IL16: variants seen among roughly 807,000 people sequenced by gnomAD.
The protein encoded by IL16 is pro-interleukin-16.
Under a neutral mutation model 110.1 loss-of-function variants are expected in IL16, and 67 were observed. That is an observed-to-expected ratio of 0.61 (90% CI 0.50 to 0.75). The LOEUF (loss-of-function observed/expected upper bound fraction) is 0.75. Ranked by LOEUF, IL16 falls within the 30% of genes least tolerant of loss-of-function variation. The probability of loss-of-function intolerance (pLI) is 0.00; values close to 1 mark genes in which losing one functional copy is unlikely to be tolerated. For missense variants in IL16, 1,545 were observed against 1,655.0 expected (o/e 0.93, Z 1.15); for synonymous variants, 689 against 662.9 (o/e 1.04, Z -0.61).
chr15:81,286,282 T>A (rs1405041026), intron 10 of IL16, among the ~76,000 whole-genome samples: 1 of 152,198 alleles, frequency 6.6e-6, no homozygotes, highest in Non-Finnish European at 1.5e-5. Context: ...TGGTAAGTCC[T>A]ATGAGAATAC....
chr15:81,217,512 ATTT>A (rs1266315481), intron 1 of IL16, among the ~76,000 whole-genome samples: 2 of 152,314 alleles, frequency 1.3e-5, no homozygotes, highest in East Asian at 3.9e-4. Flanking sequence ...CTATTAAACT[ATTT>A]CAGAAAGTAA....
rs1286252938 is a variant in IL16, at chr15:81,182,970, T to C, written c.40+74T>C. 5.3e-6 allele frequency: 5 copies of C among 941,422 alleles called. No individual in the cohort carries two copies. The East Asian group carries it at 3.1e-4, about 58-fold the overall frequency. The allele number at this position is 941,422 out of a possible 1,614,324, so 58.3% of individuals were successfully genotyped here. Reference sequence around the variant, plus strand: ...ATGGAGGGGTGGACCCTTCCTGACATCCTCCCAGGGGAATGGAAGCATGGT... The same window carrying C: ...ATGGAGGGGTGGACCCTTCCTGACACCCTCCCAGGGGAATGGAAGCATGGT... On this transcript the variant is annotated intron_variant, in intron 1 of 18. Coordinates refer to the IL16 transcript ENST00000302987.
intron 1 of IL16, among the ~76,000 whole-genome samples, chr15:81,218,591 T>C (rs1377090865): frequency 6.6e-6 from 1 of 152,168 alleles, no homozygotes. Context: ...GTGATTGTTG[T>C]AAAAAGAAAT....
In IL16 at chr15:81,271,088, C is replaced by T. The variant is rs867740480; in HGVS notation, c.675+1440C>T. On this transcript the variant is annotated intron_variant, in intron 5 of 18. Coordinates refer to ENST00000683961, the MANE Select transcript of IL16 (RefSeq NM_172217.5). ...GGCATTGTGCTATGGGCTTTGCAAC[C>T]ATAACTCCTTTAATCCCCACAACAA... 1.4e-4 allele frequency among the ~76,000 whole-genome samples: 22 copies of T among 152,162 alleles called. No individual in the cohort carries two copies. In the Middle Eastern group the frequency reaches 0.014, roughly 94 times the overall value.
intron 6 of IL16, among the ~76,000 whole-genome samples, chr15:81,277,029 T>TAA (rs35578784): frequency 2.1e-3 from 307 of 144,442 alleles, no homozygotes; most frequent in African/African-American, 7.0e-3. Flanking sequence ...CCGGAAACAG[T>TAA]AAAAAAAAAA....
rs1471104857 is a variant in IL16 at position 81,303,168 on chromosome 15, C to T, written c.3319-381C>T. On this transcript the variant is annotated intron_variant, in intron 15 of 18. Transcript: ENST00000683961. The surrounding 1 kb of genome is among the most constrained non-coding windows in gnomAD (Gnocchi z 4.1). The stretch of plus-strand genomic sequence containing the variant: ...AATTCCTGCAGAACAGCACTGACCC[C>T]TGTTTTGTTTTTTGTTGTTTTTTTT... The T allele has an allele frequency of 5.6e-6, 1 of 177,512 alleles. No individual in the cohort carries two copies. The highest frequency in any genetic ancestry group is 1.2e-5 in the Non-Finnish European group (1 of 86,174). The allele number at this position is 177,512 out of a possible 1,614,324, so 11.0% of individuals were successfully genotyped here.
intron 6 of IL16, among the ~76,000 whole-genome samples, chr15:81,277,044 G>C (rs1898944337): frequency 6.6e-6 from 1 of 150,942 alleles, no homozygotes; most frequent in Admixed American, 6.6e-5. Context: ...AAAAAAATAA[G>C]TGGAAGTGAA....
intron 13 of IL16, 180 bp from the exon 14 acceptor site, chr15:81,299,200 C>G (rs1014116607): frequency 3.2e-6 from 3 of 938,054 alleles, no homozygotes; most frequent in Non-Finnish European, 5.2e-6. Context: ...TCCTTCACTC[C>G]TGCCTGTTGG....
At position 81,292,609 on chromosome 15, in the gene IL16, C is replaced by G; in HGVS notation, c.1474C>G (p.Arg492Gly). 3 of 1,606,974 alleles carry G rather than the reference C, an allele frequency of 1.9e-6. No individual in the cohort carries two copies. Among genetic ancestry groups the G allele is most frequent in the Non-Finnish European group, 2.6e-6 (3 of 1,174,234 alleles). ...WHGRPTLEKE[R>G]EKNSAPPHRR... ...CGGGCGGCCCACCTTGGAGAAGGAACGAGAGAAGAACTCAGCACCCCCGCA... is the reference window on the plus strand; with the variant it reads ...CGGGCGGCCCACCTTGGAGAAGGAAGGAGAGAAGAACTCAGCACCCCCGCA... Residue 492 changes from arginine (R) to glycine (G), a missense_variant, in exon 12 of 19, where the codon CGA becomes GGA. Arg to Gly is a moderately radical substitution (Grantham distance 125). Around this residue, in one of 3 missense-constraint regions of IL16, gnomAD observed 1,185 missense variants for 1,238.8 expected, o/e 0.96. Coordinates refer to ENST00000683961, the MANE Select transcript of IL16 (RefSeq NM_172217.5).
chr15:81,239,400 CT>C (rs1473267298), intron 2 of IL16, among the ~76,000 whole-genome samples: 1 of 152,190 alleles, frequency 6.6e-6, no homozygotes, highest in Non-Finnish European at 1.5e-5. Context: ...TGCTCAATCC[CT>C]GCAGTTCTGT....
chr15:81,240,640 T>G (rs1207054438), intron 2 of IL16, among the ~76,000 whole-genome samples: 1 of 152,168 alleles, frequency 6.6e-6, no homozygotes, highest in Non-Finnish European at 1.5e-5. Flanking sequence ...TTTTTCATAT[T>G]TTATAGAAAC....
At chr15:81,182,908 T>A in intron 1 of IL16, 1 of 1,286,920 alleles carries the variant, frequency 7.8e-7, no homozygotes, top group Non-Finnish European at 1.0e-6. Context: ...TGAGTGGAGC[T>A]CCTTCTCCTA....
rs933185126 is a variant in IL16, at chr15:81,297,621, C to T, written c.2053+543C>T. ...GCATAGGACTTGAAGTCAGGGAATC[C>T]TGGATCTGTCTGTCATTAGTATGAT... On this transcript the variant is annotated intron_variant, in intron 13 of 18. Transcript: ENST00000683961. 3.9e-5 allele frequency among the ~76,000 whole-genome samples: 6 copies of T among 152,262 alleles called. No individual in the cohort carries two copies. In the South Asian group the frequency reaches 1.2e-3, roughly 32 times the overall value.
chr15:81,288,779 G>A (rs573645336), intron 10 of IL16, among the ~76,000 whole-genome samples: 6 of 152,072 alleles, frequency 3.9e-5, no homozygotes, highest in South Asian at 2.1e-4. Context: ...GTTGTAGCAC[G>A]GGCCAGAATT....
intron 2 of IL16, among the ~76,000 whole-genome samples, chr15:81,241,276 T>C (rs893989590): frequency 1.2e-4 from 18 of 152,106 alleles, no homozygotes; most frequent in Non-Finnish European, 1.9e-4. Flanking sequence ...ACTTATTTAT[T>C]TGAGGCCCTT....
chr15:81,288,323 C>G (rs141520656), intron 10 of IL16, among the ~76,000 whole-genome samples: 1 of 152,200 alleles, frequency 6.6e-6, no homozygotes, highest in Non-Finnish European at 1.5e-5. Flanking sequence ...TTCCTCAACT[C>G]TGACATAGGG....
rs553057729 is a variant in IL16 at position 81,260,454 on chromosome 15, C to T, written c.421+574C>T. 2.6e-5 allele frequency among the ~76,000 whole-genome samples: 4 copies of T among 152,186 alleles called. No homozygotes were observed. In the South Asian group the frequency reaches 8.3e-4, roughly 32 times the overall value. On this transcript the variant is annotated intron_variant, in intron 3 of 18. Coordinates refer to ENST00000683961, the MANE Select transcript of IL16 (RefSeq NM_172217.5). ...GGTCATCAGAAACTCTTGAAAACAC[C>T]ATTTTTTAGTGGATCCATGGTATTT...
chr15:81,187,936 T>C (rs1013903120), intron 1 of IL16, among the ~76,000 whole-genome samples: 8 of 152,128 alleles, frequency 5.3e-5, no homozygotes, highest in African/African-American at 1.9e-4. Context: ...GGATTAGGGT[T>C]GCAGTTTTGG....
chr15:81,306,251 ATT>A, intron 17 of IL16, 85 bp downstream of exon 17: 3 of 1,542,500 alleles, frequency 1.9e-6, no homozygotes, highest in African/African-American at 2.7e-5. Flanking sequence ...CTACTCAGTA[ATT>A]TGTGACCCCA....
Sources: gnomAD v4.1 joint callset for allele counts (sites outside exome capture counted in the v4.1 genomes callset) on GRCh38, gnomAD v4.1.1 for gene constraint, gnomAD v4.1.1 regional missense constraint, Gnocchi (gnomAD v3.1) non-coding constraint, MANE v1.5 for transcripts, NCBI Gene and HGNC (gene_info 2026-07-23, HGNC 2026-07-21) for gene names.